The following OMA1 variants were observed in gnomAD, a reference collection of about 807,000 sequenced individuals.
OMA1 encodes OMA1 zinc metallopeptidase.
Under a neutral mutation model 30.9 loss-of-function variants are expected in OMA1, and 38 were observed. The ratio of observed to expected loss-of-function variants is 1.23; its 90% CI spans 0.95 to 1.61. The LOEUF is 1.61. Among genes scored for constraint, OMA1 ranks in the 40% most tolerant of loss-of-function variants. The probability of loss-of-function intolerance (pLI) is 0.00; values close to 1 mark genes in which losing one functional copy is unlikely to be tolerated. For synonymous variants in OMA1, 173 were observed against 121.9 expected (o/e 1.42, Z -2.76); for missense variants, 461 against 349.2 (o/e 1.32, Z -2.55).
intron 8 of OMA1, among the ~76,000 whole-genome samples, chr1:58,504,723 C>A (rs1645959894): frequency 6.6e-6 from 1 of 152,144 alleles, no homozygotes; most frequent in South Asian, 2.1e-4. Flanking sequence ...ACTAGAGTTT[C>A]TTATCCCAAA....
At chr1:58,516,947 G>A (rs973739533) in intron 7 of OMA1, among the ~76,000 whole-genome samples, 8 of 152,116 alleles carry the variant, frequency 5.3e-5, no homozygotes, top group African/African-American at 1.9e-4. Context: ...AGGTTGCCTA[G>A]GAAGGAGAGA....
chr1:58,493,482 T>C (rs1645736671), intron 8 of OMA1, among the ~76,000 whole-genome samples: 1 of 151,696 alleles, frequency 6.6e-6, no homozygotes, highest in Non-Finnish European at 1.5e-5. Context: ...AAATTGTCCC[T>C]GTTTGCAGAT....
chr1:58,511,164 C>T (rs1000519628), intron 7 of OMA1, among the ~76,000 whole-genome samples: 2 of 152,098 alleles, frequency 1.3e-5, no homozygotes, highest in Admixed American at 6.6e-5. Context: ...AACCCCAAAT[C>T]GCCAAAGCAA....
rs79727968 is a variant in OMA1 at position 58,538,328 on chromosome 1, T to A, written c.500+467A>T. ...AAGCATTAATGACTTAAGAGTTAAC[T>A]AGGAGTGAGCCCACCCTTATATAAG... On this transcript the variant is annotated intron_variant, in intron 2 of 8. Coordinates refer to ENST00000371226, the MANE Select transcript of OMA1 (RefSeq NM_145243.5). Among the ~76,000 whole-genome samples the A allele has an allele frequency of 5.1e-4, 77 of 152,314 alleles. No individual in the cohort carries two copies. In the East Asian group the frequency reaches 0.011, roughly 23 times the overall value.
At chr1:58,533,852 T>C (rs1052634903) in intron 5 of OMA1, 101 bp downstream of exon 5, 38 of 746,220 alleles carry the variant, frequency 5.1e-5, no homozygotes, top group African/African-American at 8.8e-5. Flanking sequence ...TAAAAGTCTA[T>C]CATTTTTAAA....
intron 7 of OMA1, among the ~76,000 whole-genome samples, chr1:58,513,326 G>T (rs1350052579): frequency 2.0e-4 from 30 of 152,176 alleles, no homozygotes; most frequent in Non-Finnish European, 1.5e-5. Context: ...GGAGAACTGT[G>T]AGTCAATTAA....
intron 7 of OMA1, among the ~76,000 whole-genome samples, chr1:58,512,751 G>C (rs11207247): frequency 0.18 from 27,047 of 152,090 alleles, 2,532 homozygotes; most frequent in Middle Eastern, 0.23. Flanking sequence ...GTGGAAGTAG[G>C]AGGAAATGAG....
At chr1:58,524,644 C>T (rs989813972) in intron 7 of OMA1, among the ~76,000 whole-genome samples, 1 of 152,112 alleles carries the variant, frequency 6.6e-6, no homozygotes, top group African/African-American at 2.4e-5. Context: ...ATTCTGGATT[C>T]GTTTATGTTG....
intron 7 of OMA1, among the ~76,000 whole-genome samples, chr1:58,522,762 A>T (rs1646286524): frequency 6.6e-6 from 1 of 152,252 alleles, no homozygotes. Context: ...TATTCTTACA[A>T]TAAAATAAGC....
intron 8 of OMA1, among the ~76,000 whole-genome samples, chr1:58,492,271 A>G (rs1645709410): frequency 2.0e-5 from 3 of 152,222 alleles, no homozygotes; most frequent in Admixed American, 2.0e-4. Flanking sequence ...AGCAGTGTGT[A>G]GAGGGAAATT....
intron 5 of OMA1, among the ~76,000 whole-genome samples, chr1:58,531,019 A>G (rs58370911): frequency 0.016 from 2,510 of 152,336 alleles, 56 homozygotes; most frequent in East Asian, 0.12. Flanking sequence ...CTTGTGAAAT[A>G]GCTACAATTA....
At chr1:58,537,787 T>G (rs542024323) in intron 2 of OMA1, among the ~76,000 whole-genome samples, 5 of 152,324 alleles carry the variant, frequency 3.3e-5, no homozygotes, top group Admixed American at 3.3e-4. Flanking sequence ...TCGAGTATAC[T>G]TATTTCCTAT....
intron 1 of OMA1, among the ~76,000 whole-genome samples, chr1:58,543,653 G>GTAAA (rs1172907095): frequency 6.6e-6 from 1 of 152,028 alleles, no homozygotes; most frequent in Non-Finnish European, 1.5e-5. Context: ...TCCTACCCTG[G>GTAAA]TAAATACCAG....
At chr1:58,536,161 C>T (rs17117688) in intron 3 of OMA1, among the ~76,000 whole-genome samples, 2,807 of 152,160 alleles carry the variant, frequency 0.018, 56 homozygotes, top group East Asian at 0.12. Context: ...AAGCAATGGG[C>T]GCAACTACAA....
chr1:58,530,084 C>T (rs1646411301), intron 6 of OMA1, among the ~76,000 whole-genome samples: 1 of 152,016 alleles, frequency 6.6e-6, no homozygotes, highest in South Asian at 2.1e-4. Context: ...GGTTTCACCA[C>T]GTTAGCCAGG....
At chr1:58,506,524 G>T (rs1192507543) in intron 7 of OMA1, among the ~76,000 whole-genome samples, 2 of 151,946 alleles carry the variant, frequency 1.3e-5, no homozygotes, top group East Asian at 3.9e-4. Context: ...AAACAACATG[G>T]TATCACAGTA....
At chr1:58,487,894 A>G (rs948305139) in intron 8 of OMA1, among the ~76,000 whole-genome samples, 4 of 151,768 alleles carry the variant, frequency 2.6e-5, no homozygotes, top group Admixed American at 1.3e-4. Context: ...GTTTTCTTGC[A>G]TGTTACCGTA....
intron 7 of OMA1, among the ~76,000 whole-genome samples, chr1:58,515,743 C>T (rs1031829190): frequency 6.6e-6 from 1 of 152,072 alleles, no homozygotes; most frequent in Admixed American, 6.5e-5. Context: ...AGAATACTAA[C>T]CTGAAAAATA....
chr1:58,544,123 CA>C (rs1646665082), intron 1 of OMA1, among the ~76,000 whole-genome samples: 1 of 152,100 alleles, frequency 6.6e-6, no homozygotes, highest in Admixed American at 6.6e-5. Context: ...CCAAATGATT[CA>C]AAACTTTTAA....
Sources: gnomAD v4.1 joint callset for allele counts (sites outside exome capture counted in the v4.1 genomes callset) on GRCh38, gnomAD v4.1.1 for gene constraint, MANE v1.5 for transcripts, NCBI Gene and HGNC (gene_info 2026-07-23, HGNC 2026-07-21) for gene names.